The following SLC12A9 variants were observed in gnomAD, a reference collection of about 807,000 sequenced individuals.
SLC12A9 encodes CCC-interacting protein 1.
Under a neutral mutation model 66.0 loss-of-function variants are expected in SLC12A9, and 55 were observed. The observed-to-expected ratio is 0.83, with a 90% CI of 0.67 to 1.04. The LOEUF is 1.04. SLC12A9 is among the 50% of genes least tolerant of loss of function. The pLI, the probability that SLC12A9 is intolerant of heterozygous loss-of-function variation, is 0.00. For missense variants in SLC12A9, 1,061 were observed against 1,241.9 expected, an observed-to-expected ratio of 0.85 and a Z score of 2.19; for synonymous variants, 577 against 569.0, an observed-to-expected ratio of 1.01 and a Z score of -0.20.
rs770678137 is a variant in SLC12A9 at position 100,854,648 on chromosome 7, G to T, written c.210G>T (p.Leu70=). ...TCGTGGTGGGTCATGCTGGGCTACT[G>T]CAGGCCCTGGCCATGCTGCTGGTTG... ...IGFVVGHAGL[L]QALAMLLVAY... Residue 70 remains leucine (L), a synonymous_variant, in exon 3 of 14, where the codon CTG becomes CTT. Coordinates refer to ENST00000354161, the MANE Select transcript of SLC12A9 (RefSeq NM_020246.4). The T allele has an allele frequency of 2.3e-5, 37 of 1,614,052 alleles. No individual in the cohort carries two copies. Among genetic ancestry groups the T allele is most frequent in the Non-Finnish European group, 3.1e-5 (37 of 1,180,000 alleles).
intron 13 of SLC12A9, among the ~76,000 whole-genome samples, chr7:100,863,813 G>A (rs773172543): frequency 1.3e-4 from 20 of 152,194 alleles, no homozygotes; most frequent in Admixed American, 6.5e-4. Context: ...TCTGGCTAAA[G>A]TTCAACAGTG....
At chr7:100,833,249 C>A (rs928142739) in intron 1 of SLC12A9, among the ~76,000 whole-genome samples, 1 of 151,180 alleles carries the variant, frequency 6.6e-6, no homozygotes, top group East Asian at 2.0e-4. Flanking sequence ...TTTGGGAGGC[C>A]GAGGCGGGTG....
chr7:100,864,068 C>T (rs117717323), intron 13 of SLC12A9, among the ~76,000 whole-genome samples: 2,708 of 137,318 alleles, frequency 0.02, 42 homozygotes, highest in South Asian at 0.024. Context: ...AAAGCAATTG[C>T]GGTTTTTGCC....
chr7:100,852,591 G>T (rs2038601152), upstream of SLC12A9: 1 of 152,386 alleles, frequency 6.6e-6, no homozygotes. Flanking sequence ...TTGCATCCCC[G>T]GGCGCACGTG....
rs550225897 is a variant in SLC12A9 at position 100,827,069 on chromosome 7, G to A, written n.228+22G>A. On this transcript the variant is annotated intron_variant and non_coding_transcript_variant, in intron 1 of 1. Coordinates refer to the SLC12A9 transcript ENST00000461016. ...TCGGGTAGGATCCGAACTGAGTTTG[G>A]GGGGCCCTCGCCCCCCCAGGTCTGA... 3.2e-6 allele frequency: 5 copies of A among 1,555,242 alleles called. No individual in the cohort carries two copies. The South Asian group carries it at 5.9e-5, about 18-fold the overall frequency.
intron 13 of SLC12A9, chr7:100,865,465 C>G: frequency 1.3e-6 from 2 of 1,534,176 alleles, no homozygotes; most frequent in Non-Finnish European, 1.7e-6. Flanking sequence ...TGGCAAGAAT[C>G]CTAAGGCGAA....
chr7:100,843,857 T>C (rs1813841303), intron 1 of SLC12A9, among the ~76,000 whole-genome samples: 1 of 152,148 alleles, frequency 6.6e-6, no homozygotes, highest in Non-Finnish European at 1.5e-5. Context: ...GAAAGCCCAG[T>C]TGAACATAAC....
At chr7:100,839,111 C>T (rs977483353) in intron 1 of SLC12A9, among the ~76,000 whole-genome samples, 2 of 152,074 alleles carry the variant, frequency 1.3e-5, no homozygotes, top group Non-Finnish European at 2.9e-5. Context: ...ATCACGAGGT[C>T]AGGAGATCGA....
chr7:100,839,050 G>A (rs1339582006), intron 1 of SLC12A9, among the ~76,000 whole-genome samples: 2 of 152,084 alleles, frequency 1.3e-5, no homozygotes, highest in South Asian at 4.1e-4. Flanking sequence ...ATTGCCGGGC[G>A]CGGTGGCTCA....
Position 100,866,670 on chromosome 7 carries a change from A to G in SLC12A9, c.*65A>G, listed in dbSNP as rs1315597410. 2 of 1,402,318 alleles carry G rather than the reference A, an allele frequency of 1.4e-6. No homozygotes were observed. Among genetic ancestry groups the G allele is most frequent in the East Asian group, 2.7e-5 (1 of 37,494 alleles). 86.9% of individuals were successfully genotyped at this position (1,402,318 alleles called of 1,614,324 possible). Reference sequence around the variant, plus strand: ...GGCGGCCTATCCTGATCCTTGGAGGAGGAGGAAGAGGAGGCCACTGTGGCC... The same window carrying G: ...GGCGGCCTATCCTGATCCTTGGAGGGGGAGGAAGAGGAGGCCACTGTGGCC... On this transcript the variant is annotated 3_prime_UTR_variant, in exon 14 of 14. Transcript: ENST00000354161. The surrounding 1 kb of genome is among the most constrained non-coding windows in gnomAD (Gnocchi z 7.3).
intron 5 of SLC12A9, chr7:100,858,459 G>T: frequency 5.8e-6 from 1 of 172,672 alleles, no homozygotes; most frequent in Non-Finnish European, 1.2e-5. Context: ...GCATGGTGGT[G>T]CACACCTGTA....
chr7:100,858,781 T>G, intron 5 of SLC12A9, 54 bp from the exon 6 acceptor site: 5 of 1,576,130 alleles, frequency 3.2e-6, no homozygotes, highest in Non-Finnish European at 4.4e-6. Flanking sequence ...CTAAGAGGCC[T>G]GGATCCCTGA....
Position 100,828,503 on chromosome 7 carries a change from G to A in SLC12A9, n.228+1456G>A, listed in dbSNP as rs148807662. The stretch of plus-strand genomic sequence containing the variant: ...GAGGTTGCAGTGAGCTGGGAGCTGA[G>A]ATCGCGCCACTGCACTCCAGCCTGG... On this transcript the variant is annotated intron_variant and non_coding_transcript_variant, in intron 1 of 1. Coordinates refer to the SLC12A9 transcript ENST00000461016. 2.6e-3 allele frequency among the ~76,000 whole-genome samples: 338 copies of A among 131,988 alleles called. 1 individual carries two copies. Among genetic ancestry groups the A allele is most frequent in the African/African-American group, 8.8e-3 (303 of 34,250 alleles). The allele number at this position is 131,988 out of a possible 152,430, so 86.6% of individuals were successfully genotyped here.
At chr7:100,842,112 T>C (rs1813802538) in intron 1 of SLC12A9, among the ~76,000 whole-genome samples, 1 of 144,888 alleles carries the variant, frequency 6.9e-6, no homozygotes. Context: ...CTGCTGTTCG[T>C]ACAGAAAAAA....
In SLC12A9 at chr7:100,861,755, C is replaced by T. The variant is rs1414096704; in HGVS notation, c.1555C>T (p.Arg519Trp). The change falls in exon 12 of 14, where the codon CGG becomes TGG. Residue 519 changes from arginine (R) to tryptophan (W), a missense_variant. Transcript: ENST00000354161. This position sits in a 1 kb window ranked among gnomAD's most constrained non-coding sequence, Gnocchi z 5.3. Reference sequence around the variant, plus strand: ...TACCCAGGTGCGTAAGTATCTGCTTCGGCTGGACGTCCGGAAGGATCACGT... The same window carrying T: ...TACCCAGGTGCGTAAGTATCTGCTTTGGCTGGACGTCCGGAAGGATCACGT... ...LFHQVRKYLLRLDVRKDHVKF... is the reference protein window; with the variant it reads ...LFHQVRKYLLWLDVRKDHVKF... 1.4e-5 allele frequency: 23 copies of T among 1,614,060 alleles called. 1 individual carries two copies. Among genetic ancestry groups the T allele is most frequent in the South Asian group, 3.3e-5 (3 of 91,086 alleles).
In SLC12A9 at chr7:100,859,548, C is replaced by G. The variant is rs927020790; in HGVS notation, c.978-337C>G. ...CTGGGCAACAGAGCAAGAGCCTCCCCCCAAATACAAAAATTAGCCAGGTGT... is the reference window on the plus strand; with the variant it reads ...CTGGGCAACAGAGCAAGAGCCTCCCGCCAAATACAAAAATTAGCCAGGTGT... On this transcript the variant is annotated intron_variant, in intron 7 of 13. Coordinates refer to ENST00000354161, the MANE Select transcript of SLC12A9 (RefSeq NM_020246.4). 5 of 371,936 alleles carry G rather than the reference C, an allele frequency of 1.3e-5. No homozygotes were observed. In the South Asian group the frequency reaches 1.6e-4, roughly 12 times the overall value. 23.0% of individuals were successfully genotyped at this position (371,936 alleles called of 1,614,324 possible). A position where few individuals can be genotyped will look rare whatever the true frequency, so the allele number is the denominator to read the frequency against.
rs75893725 is a variant in SLC12A9, at chr7:100,847,702, G to A, written n.229-12183G>A. Among the ~76,000 whole-genome samples, 228 of 152,196 alleles carry A rather than the reference G, an allele frequency of 1.5e-3. 3 individuals are homozygous for A. The East Asian group carries it at 0.038, about 25-fold the overall frequency. On this transcript the variant is annotated intron_variant and non_coding_transcript_variant, in intron 1 of 1. Coordinates refer to the SLC12A9 transcript ENST00000461016. ...CGGTGTAACCCCAGGTTTCCGGCCT[G>A]AGAGGACCACAGGAGGAGCAGGTGG...
At position 100,859,963 on chromosome 7, in the gene SLC12A9, C is replaced by T. The variant is rs1814641830; in HGVS notation, c.1056C>T (p.Ala352=). 1.9e-6 allele frequency: 3 copies of T among 1,613,226 alleles called. No individual in the cohort carries two copies. The highest frequency in any genetic ancestry group is 2.5e-6 in the Non-Finnish European group (3 of 1,179,322). The change falls in exon 8 of 14, where the codon GCC becomes GCT. Residue 352 remains alanine, a synonymous_variant. Transcript: ENST00000354161. ...CACTGGTGTTGATCGGAATCTATGCCACAGCGCTCTCAGCGTCCATGAGCT... is the reference window on the plus strand; with the variant it reads ...CACTGGTGTTGATCGGAATCTATGCTACAGCGCTCTCAGCGTCCATGAGCT... ...WPPLVLIGIY[A]TALSASMSSL...
Position 100,866,008 on chromosome 7 carries a change from G to A in SLC12A9, c.2148G>A (p.Gly716=). 6.2e-7 allele frequency: 1 copy of A among 1,612,620 alleles called. No homozygotes were observed. The highest frequency in any genetic ancestry group is 8.5e-7 in the Non-Finnish European group (1 of 1,179,706). Residue 716 remains glycine (G), a synonymous_variant, in exon 14 of 14, where the codon GGG becomes GGA. Transcript: ENST00000354161. The surrounding 1 kb of genome is among the most constrained non-coding windows in gnomAD (Gnocchi z 7.3). The stretch of plus-strand genomic sequence containing the variant: ...CTGAGCGGCTGAGCCGGGGGTCTGG[G>A]GGCACCTCTCAGCTGCACCATGTGG... ...LPPERLSRGS[G]GTSQLHHVDV...
Sources: gnomAD v4.1 joint callset for allele counts (sites outside exome capture counted in the v4.1 genomes callset) on GRCh38, gnomAD v4.1.1 for gene constraint, Gnocchi (gnomAD v3.1) non-coding constraint, MANE v1.5 for transcripts, NCBI Gene and HGNC (gene_info 2026-07-23, HGNC 2026-07-21) for gene names.